Variants in ADARB2 observed in about 807,000 individuals in gnomAD.
ADARB2 encodes adenosine deaminase RNA specific B2 (inactive), also known as inactive double-stranded RNA-specific editase B2.
In ADARB2, 25 loss-of-function variants were observed where a neutral mutation model predicts 62.2. That is an observed-to-expected ratio of 0.40 (90% CI 0.29 to 0.56). ADARB2 has a LOEUF of 0.56. Among genes scored for constraint, ADARB2 ranks in the 20% least tolerant of loss-of-function variants. The probability of loss-of-function intolerance (pLI) is 0.43; values close to 1 mark genes in which losing one functional copy is unlikely to be tolerated. For missense variants in ADARB2, 1,071 were observed against 1,077.4 expected (o/e 0.99, Z 0.08); for synonymous variants, 572 against 500.8 (o/e 1.14, Z -1.90).
At chr10:1,633,553 T>C (rs918674999) in intron 1 of ADARB2, among the ~76,000 whole-genome samples, 9 of 62,610 alleles carry the variant, frequency 1.4e-4, no homozygotes, top group Non-Finnish European at 2.9e-4. Flanking sequence ...ATCTATCATC[T>C]ATCTATCTAT....
chr10:1,232,378 T>C (rs1201930232), intron 6 of ADARB2, among the ~76,000 whole-genome samples: 1 of 151,932 alleles, frequency 6.6e-6, no homozygotes, highest in Non-Finnish European at 1.5e-5. Flanking sequence ...GTGTGGTGTG[T>C]GTGGTATGCG....
intron 6 of ADARB2, among the ~76,000 whole-genome samples, chr10:1,227,038 G>T (rs1439775372): frequency 6.6e-6 from 1 of 152,254 alleles, no homozygotes; most frequent in Non-Finnish European, 1.5e-5. Context: ...CTTAAGCTGT[G>T]GTGGGCTCCA....
At chr10:1,270,792 A>G (rs1831253696) in intron 4 of ADARB2, among the ~76,000 whole-genome samples, 163 bp downstream of exon 4, 1 of 152,176 alleles carries the variant, frequency 6.6e-6, no homozygotes, top group Non-Finnish European at 1.5e-5. Flanking sequence ...TTTTCCTGCT[A>G]ATATGCTCTG....
chr10:1,398,047 T>G lies in ADARB2; in HGVS notation c.101-18887A>C, dbSNP rs1435729548. ...GTGCAGGCTTCCTGGGTCACCGTCCTCCTCTCCCCTCCCGAGTGCAGGCTT... is the reference window on the plus strand; with the variant it reads ...GTGCAGGCTTCCTGGGTCACCGTCCGCCTCTCCCCTCCCGAGTGCAGGCTT... On this transcript the variant is annotated intron_variant, in intron 1 of 9. Coordinates refer to ENST00000381312, the MANE Select transcript of ADARB2 (RefSeq NM_018702.4). The surrounding 1 kb of genome is among the most constrained non-coding windows in gnomAD (Gnocchi z 4.1). 1.1e-5 allele frequency among the ~76,000 whole-genome samples: 1 copy of G among 92,884 alleles called. No homozygotes were observed. Among genetic ancestry groups the G allele is most frequent in the Non-Finnish European group, 2.1e-5 (1 of 47,450 alleles). The allele number at this position is 92,884 out of a possible 152,430, so 60.9% of individuals were successfully genotyped here.
At chr10:1,519,533 C>A (rs934407352) in intron 1 of ADARB2, among the ~76,000 whole-genome samples, 3 of 152,196 alleles carry the variant, frequency 2.0e-5, no homozygotes, top group African/African-American at 7.2e-5. Context: ...AAGGACCCTG[C>A]AGCTGGGCCA....
At chr10:1,654,967 A>G (rs1455227075) in intron 1 of ADARB2, among the ~76,000 whole-genome samples, 1 of 152,224 alleles carries the variant, frequency 6.6e-6, no homozygotes, top group Non-Finnish European at 1.5e-5. Context: ...AGTCACATTC[A>G]GTTACAAGGT....
chr10:1,255,468 A>G lies in ADARB2; in HGVS notation c.1193-13169T>C, dbSNP rs1831071707. On this transcript the variant is annotated intron_variant, in intron 4 of 9. Coordinates refer to ENST00000381312, the MANE Select transcript of ADARB2 (RefSeq NM_018702.4). This position sits in a 1 kb window ranked among gnomAD's most constrained non-coding sequence, Gnocchi z 4.7. Reference sequence around the variant, plus strand: ...CACGACAAAGGCATTGAGAGAGCCCAGAAACCATGCCAGGCTGACGCTGGC... The same window carrying G: ...CACGACAAAGGCATTGAGAGAGCCCGGAAACCATGCCAGGCTGACGCTGGC... Among the ~76,000 whole-genome samples, 1 of 152,280 alleles carries G rather than the reference A, an allele frequency of 6.6e-6. No homozygotes were observed. The highest frequency in any genetic ancestry group is 1.5e-5 in the Non-Finnish European group (1 of 68,052).
chr10:1,481,973 G>A (rs532248362), intron 1 of ADARB2, among the ~76,000 whole-genome samples: 3 of 152,228 alleles, frequency 2.0e-5, no homozygotes, highest in Admixed American at 6.5e-5. Context: ...TGTACACATG[G>A]CCACTAAACA....
intron 1 of ADARB2, among the ~76,000 whole-genome samples, chr10:1,712,983 G>T (rs4880535): frequency 0.45 from 68,002 of 151,914 alleles, 16,394 homozygotes; most frequent in African/African-American, 0.63. Context: ...CCCGACAGCA[G>T]GGTTTTCATC....
chr10:1,314,814 C>T (rs1831723117), intron 3 of ADARB2, among the ~76,000 whole-genome samples: 1 of 152,196 alleles, frequency 6.6e-6, no homozygotes, highest in Non-Finnish European at 1.5e-5. Flanking sequence ...GGAACATGGC[C>T]TCGGATGCCT....
chr10:1,395,893 T>C (rs532440045), intron 1 of ADARB2, among the ~76,000 whole-genome samples: 65 of 152,304 alleles, frequency 4.3e-4, no homozygotes, highest in African/African-American at 1.5e-3. Context: ...ACCAGCACTT[T>C]GCTTTATTTT....
chr10:1,254,144 G>A (rs1290605263), intron 4 of ADARB2, among the ~76,000 whole-genome samples: 1 of 151,704 alleles, frequency 6.6e-6, no homozygotes, highest in Non-Finnish European at 1.5e-5. Flanking sequence ...TCCGTGGTTA[G>A]AATGCAGTGG....
intron 1 of ADARB2, among the ~76,000 whole-genome samples, chr10:1,506,917 C>T (rs913141575): frequency 3.9e-5 from 6 of 152,204 alleles, no homozygotes; most frequent in South Asian, 2.1e-4. Context: ...CGTGTGAGGA[C>T]GCAGTGAGCA....
At chr10:1,443,710 G>C (rs1213345804) in intron 1 of ADARB2, among the ~76,000 whole-genome samples, 1 of 152,032 alleles carries the variant, frequency 6.6e-6, no homozygotes, top group African/African-American at 2.4e-5. Flanking sequence ...ACTTAAGTGA[G>C]AATAAAAGGT....
At chr10:1,330,161 C>T (rs772379613) in intron 3 of ADARB2, among the ~76,000 whole-genome samples, 11 of 152,060 alleles carry the variant, frequency 7.2e-5, no homozygotes, top group Non-Finnish European at 1.5e-4. Context: ...AGGGCTGAGT[C>T]AGGGTCGATT....
intron 3 of ADARB2, among the ~76,000 whole-genome samples, chr10:1,341,708 C>G (rs1832030688): frequency 6.6e-6 from 1 of 151,788 alleles, no homozygotes; most frequent in Non-Finnish European, 1.5e-5. Context: ...TAACCAGCAT[C>G]CACCAGGGAA....
intron 1 of ADARB2, among the ~76,000 whole-genome samples, chr10:1,594,567 G>C (rs1833306397): frequency 6.6e-6 from 1 of 152,170 alleles, no homozygotes; most frequent in Admixed American, 6.5e-5. Context: ...CTCTGAGTGG[G>C]CTGAGCAAAC....
At chr10:1,219,843 ATGG>A (rs1830667353) in intron 6 of ADARB2, among the ~76,000 whole-genome samples, 2 of 107,040 alleles carry the variant, frequency 1.9e-5, no homozygotes, top group South Asian at 5.7e-4. Context: ...GGTGATGATG[ATGG>A]TGATGGTGAT....
At chr10:1,384,594 C>T (rs1482886400) in intron 1 of ADARB2, among the ~76,000 whole-genome samples, 2 of 152,178 alleles carry the variant, frequency 1.3e-5, no homozygotes, top group Admixed American at 6.5e-5. Context: ...CCAGGCAGTG[C>T]GTGACCATTG....
Sources: gnomAD v4.1 joint callset for allele counts (sites outside exome capture counted in the v4.1 genomes callset) on GRCh38, gnomAD v4.1.1 for gene constraint, Gnocchi (gnomAD v3.1) non-coding constraint, MANE v1.5 for transcripts, NCBI Gene and HGNC (gene_info 2026-07-23, HGNC 2026-07-21) for gene names.